The following NPFFR2 variants were observed in gnomAD, a reference collection of about 807,000 sequenced individuals.
The protein encoded by NPFFR2 is G-protein coupled receptor 74.
Under a neutral mutation model 13.1 loss-of-function variants are expected in NPFFR2, and 15 were observed. The observed-to-expected ratio is 1.15, with a 90% CI of 0.77 to 1.76. The LOEUF (loss-of-function observed/expected upper bound fraction) is 1.76. Among genes scored for constraint, NPFFR2 ranks in the 40% most tolerant of loss-of-function variants. The probability of loss-of-function intolerance (pLI) is 0.00; values close to 1 mark genes in which losing one functional copy is unlikely to be tolerated. For missense variants in NPFFR2, 572 were observed against 503.5 expected, an observed-to-expected ratio of 1.14 and a Z score of -1.30; for synonymous variants, 190 against 175.7, an observed-to-expected ratio of 1.08 and a Z score of -0.65.
At chr4:72,049,481 G>A (rs915947652) in intron 1 of NPFFR2, among the ~76,000 whole-genome samples, 1 of 152,068 alleles carries the variant, frequency 6.6e-6, no homozygotes, top group Non-Finnish European at 1.5e-5. Flanking sequence ...ATGATCTTTT[G>A]GCTAAAGCTG....
At chr4:72,111,702 T>G (rs766307256) in intron 1 of NPFFR2, among the ~76,000 whole-genome samples, 18 of 151,922 alleles carry the variant, frequency 1.2e-4, no homozygotes, top group Non-Finnish European at 2.5e-4. Context: ...CCAGGAAGGG[T>G]GATTAGGCAA....
At chr4:72,114,880 A>G (rs551968204) in intron 1 of NPFFR2, among the ~76,000 whole-genome samples, 19 of 152,242 alleles carry the variant, frequency 1.2e-4, no homozygotes, top group African/African-American at 4.6e-4. Flanking sequence ...TGACCTTGCT[A>G]CTTCCCTGCT....
chr4:72,085,114 T>C (rs1250760537), intron 1 of NPFFR2, among the ~76,000 whole-genome samples: 1 of 152,066 alleles, frequency 6.6e-6, no homozygotes, highest in Non-Finnish European at 1.5e-5. Context: ...AGAGTAAAAC[T>C]AGAAATGTAT....
chr4:72,106,360 C>T (rs546426684), intron 1 of NPFFR2, among the ~76,000 whole-genome samples: 2 of 151,986 alleles, frequency 1.3e-5, no homozygotes, highest in South Asian at 2.1e-4. Flanking sequence ...TAGGGATGAG[C>T]GACACATGTG....
intron 2 of NPFFR2, among the ~76,000 whole-genome samples, chr4:72,135,000 TA>T (rs1482296901): frequency 8.5e-5 from 13 of 152,294 alleles, no homozygotes; most frequent in Non-Finnish European, 1.3e-4. Context: ...CAAGTATCTT[TA>T]TTCTGCCCTC....
intron 3 of NPFFR2, among the ~76,000 whole-genome samples, chr4:72,138,464 A>C (rs1578481381): frequency 7.8e-6 from 1 of 127,922 alleles, no homozygotes; most frequent in Non-Finnish European, 1.6e-5. Flanking sequence ...CCGTGTGTCC[A>C]AGTGTTCTCA....
At chr4:72,141,039 A>G (rs1166167507) in intron 3 of NPFFR2, among the ~76,000 whole-genome samples, 2 of 151,778 alleles carry the variant, frequency 1.3e-5, no homozygotes, top group African/African-American at 4.8e-5. Context: ...TTTCTAGTTT[A>G]TTTGCATAGA....
chr4:72,148,040 A>C lies in NPFFR2; in HGVS notation c.*228A>C. The C allele has an allele frequency of 2.4e-6, 1 of 423,334 alleles. No individual in the cohort carries two copies. The highest frequency in any genetic ancestry group is 4.2e-6 in the Non-Finnish European group (1 of 240,872). 26.2% of individuals were successfully genotyped at this position (423,334 alleles called of 1,614,324 possible). On this transcript the variant is annotated 3_prime_UTR_variant, in exon 4 of 4. Transcript: ENST00000308744. ...TGACTTAGACATGTTTGCATGAATAAATATATTTCTAGAGAACAGTTTACA... is the reference window on the plus strand; with the variant it reads ...TGACTTAGACATGTTTGCATGAATACATATATTTCTAGAGAACAGTTTACA...
chr4:72,040,180 A>G (rs13127338), intron 1 of NPFFR2, among the ~76,000 whole-genome samples: 53,439 of 152,012 alleles, frequency 0.35, 9,784 homozygotes, highest in East Asian at 0.68. Flanking sequence ...CAATATATTT[A>G]TTATTGTATA....
intron 1 of NPFFR2, among the ~76,000 whole-genome samples, chr4:72,078,085 T>C (rs1406912673): frequency 2.0e-5 from 3 of 152,068 alleles, no homozygotes; most frequent in Non-Finnish European, 4.4e-5. Context: ...CTATAATTGG[T>C]GTGCTATTTC....
Position 72,071,850 on chromosome 4 carries a change from A to G in NPFFR2, c.-8+39650A>G, listed in dbSNP as rs566204382. 2.1e-3 allele frequency among the ~76,000 whole-genome samples: 313 copies of G among 152,258 alleles called. 1 individual carries two copies. The highest frequency in any genetic ancestry group is 3.8e-3 in the Non-Finnish European group (257 of 68,020). ...CTGACTGAAGTGACTGCCAGGGCCA[A>G]TGACTTCCCCTTCACCTTCATTTTT... On this transcript the variant is annotated intron_variant, in intron 1 of 3. Transcript: ENST00000308744.
rs745540257 is a variant in NPFFR2, at chr4:72,147,093, T to C, written c.544T>C (p.Leu182=). 6.2e-7 allele frequency: 1 copy of C among 1,614,032 alleles called. No homozygotes were observed. Among genetic ancestry groups the C allele is most frequent in the Non-Finnish European group, 8.5e-7 (1 of 1,179,940 alleles). Residue 182 remains leucine, a synonymous_variant, in exon 4 of 4, where the codon TTA becomes CTA. Coordinates refer to ENST00000308744, the MANE Select transcript of NPFFR2 (RefSeq NM_004885.3). ...CATTATGTCTCCATCTGCAGTAATGTTACATGTGCAAGAAGAAAAATATTA... is the reference window on the plus strand; with the variant it reads ...CATTATGTCTCCATCTGCAGTAATGCTACATGTGCAAGAAGAAAAATATTA... The part of the protein sequence containing the change: ...ITIMSPSAVM[L]HVQEEKYYRV...
chr4:72,121,191 A>C (rs980655173), intron 1 of NPFFR2, among the ~76,000 whole-genome samples: 1 of 152,090 alleles, frequency 6.6e-6, no homozygotes. Flanking sequence ...CGTGAAGACA[A>C]GACTAGAGAA....
intron 1 of NPFFR2, among the ~76,000 whole-genome samples, chr4:72,066,356 C>T (rs1183728855): frequency 6.6e-6 from 1 of 152,126 alleles, no homozygotes; most frequent in African/African-American, 2.4e-5. Flanking sequence ...TAAGTTTTAA[C>T]ACCTGAATTT....
At chr4:72,069,355 A>G (rs988708733) in intron 1 of NPFFR2, among the ~76,000 whole-genome samples, 1 of 152,180 alleles carries the variant, frequency 6.6e-6, no homozygotes, top group Non-Finnish European at 1.5e-5. Flanking sequence ...ATAATTGTAC[A>G]ATCACGTTCT....
At chr4:72,087,105 C>T (rs1216928910) in intron 1 of NPFFR2, among the ~76,000 whole-genome samples, 5 of 151,942 alleles carry the variant, frequency 3.3e-5, no homozygotes, top group East Asian at 1.9e-4. Flanking sequence ...GACCATTTTG[C>T]GCTAAGCTTA....
At chr4:72,105,290 G>C (rs1021711459) in intron 1 of NPFFR2, among the ~76,000 whole-genome samples, 7 of 151,796 alleles carry the variant, frequency 4.6e-5, no homozygotes, top group Non-Finnish European at 2.9e-5. Context: ...TATGGTGCCA[G>C]AAAGAATATC....
chr4:72,087,510 T>G (rs987503316), intron 1 of NPFFR2, among the ~76,000 whole-genome samples: 9 of 152,180 alleles, frequency 5.9e-5, no homozygotes, highest in African/African-American at 1.9e-4. Context: ...TTGCTAGTGA[T>G]CTGGGTTGCT....
At chr4:72,084,075 A>G (rs983117461) in intron 1 of NPFFR2, among the ~76,000 whole-genome samples, 1 of 152,182 alleles carries the variant, frequency 6.6e-6, no homozygotes, top group Non-Finnish European at 1.5e-5. Context: ...GTAAACTACT[A>G]GAATCACTTC....
Sources: allele counts gnomAD v4.1 joint callset (sites outside exome capture counted in the v4.1 genomes callset), GRCh38; gene constraint gnomAD v4.1.1; transcripts MANE v1.5; gene names NCBI Gene and HGNC (gene_info 2026-07-23, HGNC 2026-07-21).